MIA2: variants seen among roughly 807,000 people sequenced by gnomAD.
MIA2 encodes MIA SH3 domain ER export factor 2.
MIA2 carries 127 observed loss-of-function variants against 167.8 expected under a neutral mutation model. The observed-to-expected ratio is 0.76, with a 90% CI of 0.66 to 0.88. The LOEUF (loss-of-function observed/expected upper bound fraction) is 0.88. Ranked by LOEUF, MIA2 falls within the 40% of genes least tolerant of loss-of-function variation. The probability of loss-of-function intolerance (pLI) is 0.00; values close to 1 mark genes in which losing one functional copy is unlikely to be tolerated. For missense variants in MIA2, 1,690 were observed against 1,624.7 expected, an observed-to-expected ratio of 1.04 and a Z score of -0.69; for synonymous variants, 552 against 541.9, an observed-to-expected ratio of 1.02 and a Z score of -0.26.
At chr14:39,240,436 G>A (rs1434829065) in intron 2 of MIA2, 125 bp from the exon 3 acceptor site, 1 of 547,920 alleles carries the variant, frequency 1.8e-6, no homozygotes, top group Non-Finnish European at 3.2e-6. Flanking sequence ...TATGGAAATT[G>A]ATAGTCGAGT....
intron 17 of MIA2, among the ~76,000 whole-genome samples, chr14:39,307,081 TTTG>T (rs907200219): frequency 7.2e-4 from 109 of 152,252 alleles, no homozygotes; most frequent in African/African-American, 2.5e-3. Flanking sequence ...TGTTTGGGCA[TTTG>T]TTATGAGAAG....
At chr14:39,372,197 A>G (rs955286470) in intron 23 of MIA2, among the ~76,000 whole-genome samples, 7 of 152,206 alleles carry the variant, frequency 4.6e-5, no homozygotes, top group South Asian at 4.1e-4. Flanking sequence ...AGTAGGGTCT[A>G]TTTCACATAG....
At chr14:39,264,281 A>AT (rs2055310824) in intron 6 of MIA2, among the ~76,000 whole-genome samples, 1 of 152,106 alleles carries the variant, frequency 6.6e-6, no homozygotes, top group Non-Finnish European at 1.5e-5. Flanking sequence ...ATGTGACTTC[A>AT]TTTTTTATGG....
Position 39,298,443 on chromosome 14 carries a change from A to ATATATATGT in MIA2, c.2497-1421_2497-1420insTATATATGT, listed in dbSNP as rs1372100362. On this transcript the variant is annotated intron_variant, in intron 13 of 28. Coordinates refer to ENST00000640607, the MANE Select transcript of MIA2 (RefSeq NM_001329214.4). Reference sequence around the variant, plus strand: ...TATATATATATATATATATATATATAAAGATTAGTTTTTCATGTGTTCGGA... The same window carrying ATATATATGT: ...TATATATATATATATATATATATATATATATATGTAAGATTAGTTTTTCATGTGTTCGGA... Among the ~76,000 whole-genome samples, 175 of 50,018 alleles carry ATATATATGT rather than the reference A, an allele frequency of 3.5e-3. 19 individuals are homozygous for ATATATATGT. Among genetic ancestry groups the ATATATATGT allele is most frequent in the South Asian group, 0.016 (25 of 1,594 alleles). The allele number at this position is 50,018 out of a possible 152,430, so 32.8% of individuals were successfully genotyped here.
chr14:39,326,861 T>C lies in MIA2; in HGVS notation c.3497-3T>C, dbSNP rs767923246. The C allele has an allele frequency of 1.9e-6, 3 of 1,562,628 alleles. No homozygotes were observed. Among genetic ancestry groups the C allele is most frequent in the Non-Finnish European group, 2.6e-6 (3 of 1,162,224 alleles). On this transcript the variant is annotated splice_polypyrimidine_tract_variant and splice_region_variant and intron_variant, in intron 24 of 28. Transcript: ENST00000640607. ...ATTTGTATGTTTTTTTTTCTTTAATTAGGCTCACGAGGCCCAGGGAATCCT... is the reference window on the plus strand; with the variant it reads ...ATTTGTATGTTTTTTTTTCTTTAATCAGGCTCACGAGGCCCAGGGAATCCT...
chr14:39,264,676 A>G (rs1056763035), intron 6 of MIA2, among the ~76,000 whole-genome samples: 2 of 152,222 alleles, frequency 1.3e-5, no homozygotes, highest in South Asian at 2.1e-4. Context: ...CATCACTAGT[A>G]CAGAGATTAA....
At chr14:39,288,707 C>T (rs1022953776) in intron 9 of MIA2, among the ~76,000 whole-genome samples, 2 of 150,696 alleles carry the variant, frequency 1.3e-5, no homozygotes, top group African/African-American at 2.4e-5. Context: ...GTGATCTGTC[C>T]GCCTCGGCCT....
chr14:39,298,537 T>TGG (rs148951664), intron 13 of MIA2, among the ~76,000 whole-genome samples: 2 of 99,526 alleles, frequency 2.0e-5, no homozygotes, highest in South Asian at 3.6e-4. Flanking sequence ...AGAGTTTTTT[T>TGG]TTTTTTTTTT....
chr14:39,303,757 C>T (rs989758088), intron 16 of MIA2, among the ~76,000 whole-genome samples: 13 of 152,012 alleles, frequency 8.6e-5, no homozygotes, highest in Middle Eastern at 6.8e-3. Flanking sequence ...ACTCATTTTT[C>T]GGATAAGACT....
intron 1 of MIA2, among the ~76,000 whole-genome samples, chr14:39,235,318 A>C (rs1282298591): frequency 2.0e-5 from 3 of 152,178 alleles, no homozygotes; most frequent in African/African-American, 7.2e-5. Context: ...CACCATGCCC[A>C]GCTGTGAGAA....
chr14:39,385,206 G>A (rs563798294), intron 23 of MIA2, among the ~76,000 whole-genome samples: 1 of 152,178 alleles, frequency 6.6e-6, no homozygotes, highest in African/African-American at 2.4e-5. Context: ...AATTAAACCT[G>A]ACAAACCCAA....
intron 28 of MIA2, among the ~76,000 whole-genome samples, chr14:39,349,645 T>G (rs183122113): frequency 1.3e-5 from 2 of 152,338 alleles, no homozygotes; most frequent in Admixed American, 1.3e-4. Flanking sequence ...TGAATTAAAA[T>G]GAATTTTGTT....
intron 23 of MIA2, among the ~76,000 whole-genome samples, chr14:39,373,731 G>A (rs1008674550): frequency 1.1e-4 from 17 of 152,160 alleles, no homozygotes; most frequent in African/African-American, 4.1e-4. Context: ...TGAGGCATGA[G>A]AATCACTTGA....
At chr14:39,386,385 C>T (rs1331128015) in intron 23 of MIA2, 79 of 1,550,126 alleles carry the variant, frequency 5.1e-5, no homozygotes, top group Admixed American at 6.7e-5. Context: ...TTTGAGCAAA[C>T]GCTTACACTA....
chr14:39,332,303 A>G (rs1026097344), intron 25 of MIA2, among the ~76,000 whole-genome samples: 2 of 151,970 alleles, frequency 1.3e-5, no homozygotes, highest in African/African-American at 2.4e-5. Context: ...CAGGTCATTT[A>G]TGTTCTTCTC....
intron 2 of MIA2, among the ~76,000 whole-genome samples, chr14:39,238,811 A>AAAAAAAAAAACAAAACAAAAAAC: frequency 6.8e-5 from 7 of 103,608 alleles, no homozygotes; most frequent in South Asian, 3.1e-4. Context: ...AAAAAAAAAA[A>AAAAAAAAAAACAAAACAAAAAAC]CCCAAAAAAC....
rs1001811426 is a variant in MIA2 at position 39,347,715 on chromosome 14, G to A, written c.3781G>A (p.Gly1261Arg). ...CATGGTTTAACTTTTATGTCTAGAT[G>A]GGTCAATGCCTTCAGAAATGGAATC... ...FNMPSLDKMDGSMPSEMESSR... is the reference protein window; with the variant it reads ...FNMPSLDKMDRSMPSEMESSR... The change falls in exon 27 of 29, where the codon GGG (glycine) becomes AGG (arginine). Residue 1261 changes from glycine to arginine, a missense_variant and splice_region_variant. By Grantham distance (125) the Gly-to-Arg change is moderately radical. Transcript: ENST00000640607. 1.9e-6 allele frequency: 3 copies of A among 1,612,542 alleles called. No homozygotes were observed. The highest frequency in any genetic ancestry group is 1.7e-5 in the Admixed American group (1 of 59,914).
intron 23 of MIA2, among the ~76,000 whole-genome samples, chr14:39,368,364 G>GT (rs1361161762): frequency 6.6e-6 from 1 of 152,178 alleles, no homozygotes; most frequent in Non-Finnish European, 1.5e-5. Context: ...AAAATTGCCT[G>GT]TTAGAATAGT....
At position 39,345,302 on chromosome 14, in the gene MIA2, G is replaced by A. The variant is rs184003993; in HGVS notation, c.3656-602G>A. On this transcript the variant is annotated intron_variant, in intron 25 of 28. Coordinates refer to ENST00000640607, the MANE Select transcript of MIA2 (RefSeq NM_001329214.4). The stretch of plus-strand genomic sequence containing the variant: ...TTGGCCAGGCTGGTCTGGAACTCCC[G>A]ACCTTAGGTGATCCACCCGCTTCGG... Among the ~76,000 whole-genome samples, 3 of 152,174 alleles carry A rather than the reference G, an allele frequency of 2.0e-5. No homozygotes were observed. The East Asian group carries it at 5.8e-4, about 29-fold the overall frequency.
Sources: gnomAD v4.1 joint callset for allele counts (sites outside exome capture counted in the v4.1 genomes callset) on GRCh38, gnomAD v4.1.1 for gene constraint, MANE v1.5 for transcripts, NCBI Gene and HGNC (gene_info 2026-07-23, HGNC 2026-07-21) for gene names.